Variants in TUBGCP3 observed in about 807,000 individuals in gnomAD.
The protein encoded by TUBGCP3 is tubulin gamma complex component 3.
Under a neutral mutation model 123.1 loss-of-function variants are expected in TUBGCP3, and 50 were observed. The observed-to-expected ratio is 0.41, with a 90% CI of 0.32 to 0.51. The LOEUF is 0.51. Ranked by LOEUF, TUBGCP3 falls within the 20% of genes least tolerant of loss-of-function variation. TUBGCP3 has a pLI of 0.36. For synonymous variants in TUBGCP3, 405 were observed against 413.9 expected (o/e 0.98, Z 0.26); for missense variants, 882 against 1,127.0 (o/e 0.78, Z 3.11).
Position 112,551,053 on chromosome 13 carries a change from C to G in TUBGCP3, c.967-2877G>C, listed in dbSNP as rs557196771. On this transcript the variant is annotated intron_variant, in intron 8 of 21. Transcript: ENST00000261965. ...GGCGGAGCTTGCAGTGAGCCGAGAT[C>G]GCGCCACTGCACTCCAGCCTGGGTG... is the stretch of plus-strand genomic sequence containing the variant. Among the ~76,000 whole-genome samples, 9 of 152,052 alleles carry G rather than the reference C, an allele frequency of 5.9e-5. No individual in the cohort carries two copies. In the South Asian group the frequency reaches 1.5e-3, roughly 25 times the overall value.
chr13:112,534,570 A>T (rs977355627), intron 11 of TUBGCP3, among the ~76,000 whole-genome samples: 24 of 151,786 alleles, frequency 1.6e-4, no homozygotes, highest in African/African-American at 5.3e-4. Flanking sequence ...AACAAAACAG[A>T]AAAAACTCCT....
intron 13 of TUBGCP3, 129 bp downstream of exon 13, chr13:112,526,813 C>G (rs1025196512): frequency 1.5e-6 from 1 of 684,520 alleles, no homozygotes; most frequent in South Asian, 1.9e-5. Context: ...ACATCACCAT[C>G]ATCCCCATCA....
rs1276965221 is a variant in TUBGCP3, at chr13:112,522,337, G to A, written c.1728C>T (p.His576=). The part of the protein sequence containing the change: ...LLLGQGDFIR[H]LMDLLKPELV... ...TGCCTTACTTTAGCAAGTCCATTAA[G>A]TGCCTTATAAAGTCTCCTTGACCAA... The change falls in exon 14 of 22, where the codon CAC becomes CAT. Residue 576 remains histidine, a synonymous_variant. Coordinates refer to ENST00000261965, the MANE Select transcript of TUBGCP3 (RefSeq NM_006322.6). 1.8e-5 allele frequency: 28 copies of A among 1,595,628 alleles called. No individual in the cohort carries two copies. Among genetic ancestry groups the A allele is most frequent in the Non-Finnish European group, 2.3e-5 (27 of 1,166,416 alleles).
At chr13:112,488,047 G>A (rs1555335934) in intron 21 of TUBGCP3, among the ~76,000 whole-genome samples, 2 of 148,912 alleles carry the variant, frequency 1.3e-5, no homozygotes, top group East Asian at 2.0e-4. Flanking sequence ...CAGTAGCATC[G>A]TTTGAACCCA....
At chr13:112,537,127 CTTTTTTTT>C (rs58140098) in intron 11 of TUBGCP3, among the ~76,000 whole-genome samples, 3 of 78,128 alleles carry the variant, frequency 3.8e-5, no homozygotes, top group Non-Finnish European at 5.4e-5. Context: ...TACCTTTTTC[CTTTTTTTT>C]TTTTTTTTTT....
chr13:112,486,028 G>A lies in TUBGCP3; in HGVS notation c.2689C>T (p.Leu897=). 1 of 1,608,128 alleles carries A rather than the reference G, an allele frequency of 6.2e-7. No homozygotes were observed. Among genetic ancestry groups the A allele is most frequent in the Non-Finnish European group, 8.5e-7 (1 of 1,174,828 alleles). Reference sequence around the variant, plus strand: ...GAGCTGCGCCGCCCCCTGGTACCCAGAGACACACGGAGCCTGGGCTCCCTG... The same window carrying A: ...GAGCTGCGCCGCCCCCTGGTACCCAAAGACACACGGAGCCTGGGCTCCCTG... ...KAREPRLRVS[L]GTRGRRSSHT The change falls in exon 22 of 22, where the codon CTG becomes TTG. Residue 897 remains leucine, a synonymous_variant. Coordinates refer to ENST00000261965, the MANE Select transcript of TUBGCP3 (RefSeq NM_006322.6).
At chr13:112,504,516 A>G in intron 18 of TUBGCP3, 110 bp downstream of exon 18, 1 of 730,978 alleles carries the variant, frequency 1.4e-6, no homozygotes, top group Non-Finnish European at 2.1e-6. Context: ...AATTATGTAT[A>G]TATACACATA....
At chr13:112,567,430 T>G (rs1184015936) in intron 2 of TUBGCP3, among the ~76,000 whole-genome samples, 1 of 152,254 alleles carries the variant, frequency 6.6e-6, no homozygotes, top group African/African-American at 2.4e-5. Context: ...GGAAATGGTC[T>G]GTTTATCACA....
At chr13:112,551,022 A>C (rs556094212) in intron 8 of TUBGCP3, among the ~76,000 whole-genome samples, 203 of 151,872 alleles carry the variant, frequency 1.3e-3, no homozygotes, top group Non-Finnish European at 2.3e-3. Flanking sequence ...TGGCGTGAAC[A>C]TGGGAGGCGG....
chr13:112,490,870 G>C (rs559086652), intron 20 of TUBGCP3, among the ~76,000 whole-genome samples: 6 of 152,126 alleles, frequency 3.9e-5, no homozygotes, highest in Non-Finnish European at 2.9e-5. Flanking sequence ...GGAGCCCTTC[G>C]ATGGCTTTGT....
chr13:112,515,779 G>A (rs1403751470), intron 17 of TUBGCP3, among the ~76,000 whole-genome samples: 1 of 152,228 alleles, frequency 6.6e-6, no homozygotes, highest in Non-Finnish European at 1.5e-5. Flanking sequence ...GCCTTCGGCA[G>A]GGGTCACTAT....
rs544502155 is a variant in TUBGCP3 at position 112,511,139 on chromosome 13, T to C, written c.2086+5301A>G. ...ATTTGTAAGATGAATCGTTATTATA[T>C]GAATCATCAAGAAAGTAAAACAGTT... On this transcript the variant is annotated intron_variant, in intron 17 of 21. Transcript: ENST00000261965. The surrounding 1 kb of genome is among the most constrained non-coding windows in gnomAD (Gnocchi z 4.1). Among the ~76,000 whole-genome samples the C allele has an allele frequency of 6.6e-6, 1 of 152,334 alleles. No homozygotes were observed. The highest frequency in any genetic ancestry group is 1.9e-4 in the East Asian group (1 of 5,182).
At chr13:112,561,999 T>G (rs1228445975) in intron 3 of TUBGCP3, among the ~76,000 whole-genome samples, 1 of 152,104 alleles carries the variant, frequency 6.6e-6, no homozygotes, top group Non-Finnish European at 1.5e-5. Flanking sequence ...TACGAAGGTG[T>G]GGACGGAAAC....
intron 1 of TUBGCP3, among the ~76,000 whole-genome samples, chr13:112,583,299 A>C (rs1882397627): frequency 6.6e-6 from 1 of 152,250 alleles, no homozygotes; most frequent in Non-Finnish European, 1.5e-5. Flanking sequence ...CAAAAAATGC[A>C]CCCAATTTTT....
intron 10 of TUBGCP3, chr13:112,547,168 G>A (rs934397330): frequency 5.8e-6 from 2 of 343,334 alleles, no homozygotes; most frequent in Non-Finnish European, 1.0e-5. Flanking sequence ...CATGGTCCCT[G>A]ACTGCAGAAG....
chr13:112,527,120 C>T lies in TUBGCP3; in HGVS notation c.1447-70G>A, dbSNP rs1039170701. 61 of 1,317,830 alleles carry T rather than the reference C, an allele frequency of 4.6e-5. No individual in the cohort carries two copies. In the East Asian group the frequency reaches 4.8e-4, roughly 10 times the overall value. 81.6% of individuals were successfully genotyped at this position (1,317,830 alleles called of 1,614,324 possible). A position where few individuals can be genotyped will look rare whatever the true frequency, so the allele number is the denominator to read the frequency against. On this transcript the variant is annotated intron_variant, in intron 12 of 21. Coordinates refer to ENST00000261965, the MANE Select transcript of TUBGCP3 (RefSeq NM_006322.6). ...ACGACTGCCCAAATCTACAAATATT[C>T]GTAAGCTACAAATTGGCTATTGATT...
intron 20 of TUBGCP3, among the ~76,000 whole-genome samples, chr13:112,496,940 C>G (rs1358828634): frequency 2.0e-5 from 3 of 150,432 alleles, no homozygotes; most frequent in African/African-American, 4.9e-5. Context: ...GAGCCGAGAT[C>G]GCGCCACTGC....
At chr13:112,581,327 G>A (rs1428750804) in intron 1 of TUBGCP3, among the ~76,000 whole-genome samples, 5 of 129,830 alleles carry the variant, frequency 3.9e-5, no homozygotes, top group Non-Finnish European at 4.9e-5. Context: ...CACAGGGTCG[G>A]GGTAGTTTTT....
chr13:112,582,849 TGCAAGG>T (rs779224909), intron 1 of TUBGCP3, among the ~76,000 whole-genome samples: 3 of 152,170 alleles, frequency 2.0e-5, no homozygotes, highest in Non-Finnish European at 4.4e-5. Context: ...TTTCAATGAA[TGCAAGG>T]GCACACTGCC....
Sources: gnomAD v4.1 joint callset for allele counts (sites outside exome capture counted in the v4.1 genomes callset) on GRCh38, gnomAD v4.1.1 for gene constraint, Gnocchi (gnomAD v3.1) non-coding constraint, MANE v1.5 for transcripts, NCBI Gene and HGNC (gene_info 2026-07-23, HGNC 2026-07-21) for gene names.